The following CLVS1 variants were observed in gnomAD, a reference collection of about 807,000 sequenced individuals.
CLVS1 encodes clavesin 1, also known as clavesin-1.
Under a neutral mutation model 33.1 loss-of-function variants are expected in CLVS1, and 10 were observed. The observed-to-expected ratio is 0.30, with a 90% CI of 0.19 to 0.51. CLVS1 has a LOEUF of 0.51. Among genes scored for constraint, CLVS1 ranks in the 20% least tolerant of loss-of-function variants. The pLI, the probability that CLVS1 is intolerant of heterozygous loss-of-function variation, is 0.97. For missense variants in CLVS1, 343 were observed against 433.4 expected, an observed-to-expected ratio of 0.79 and a Z score of 1.85; for synonymous variants, 163 against 166.1, an observed-to-expected ratio of 0.98 and a Z score of 0.14.
chr8:61,086,915 T>C (rs1250820876), intron 1 of CLVS1, among the ~76,000 whole-genome samples: 1 of 152,188 alleles, frequency 6.6e-6, no homozygotes, highest in Non-Finnish European at 1.5e-5. Context: ...CCCCATTTCA[T>C]AAATGAGGTC....
At chr8:61,205,357 C>T (rs1206027491) in intron 2 of CLVS1, among the ~76,000 whole-genome samples, 2 of 152,182 alleles carry the variant, frequency 1.3e-5, no homozygotes, top group Non-Finnish European at 2.9e-5. Context: ...TTCTGTCTCA[C>T]ATCAATGGAA....
chr8:61,451,402 C>T (rs930612684), intron 3 of CLVS1, among the ~76,000 whole-genome samples: 3 of 152,144 alleles, frequency 2.0e-5, no homozygotes, highest in South Asian at 2.1e-4. Context: ...GGGGCAGACA[C>T]ATTTTTATGA....
intron 1 of CLVS1, among the ~76,000 whole-genome samples, chr8:61,077,456 T>C (rs1349794843): frequency 2.1e-5 from 2 of 94,780 alleles, no homozygotes; most frequent in South Asian, 8.5e-4. Context: ...ATTATTATTA[T>C]TATTATTATT....
At chr8:61,091,091 A>G (rs1805238920) in intron 1 of CLVS1, among the ~76,000 whole-genome samples, 1 of 152,210 alleles carries the variant, frequency 6.6e-6, no homozygotes, top group Non-Finnish European at 1.5e-5. Flanking sequence ...GGATCTTGCC[A>G]TGGGAGATTA....
chr8:61,114,413 C>T (rs1260779724), intron 1 of CLVS1, among the ~76,000 whole-genome samples: 1 of 152,188 alleles, frequency 6.6e-6, no homozygotes, highest in East Asian at 1.9e-4. Flanking sequence ...GTCTTCTAGA[C>T]AAATGCTCTC....
At chr8:61,108,489 A>G (rs1455986619) in intron 1 of CLVS1, among the ~76,000 whole-genome samples, 2 of 152,130 alleles carry the variant, frequency 1.3e-5, no homozygotes, top group Non-Finnish European at 2.9e-5. Context: ...CTCTTTTTCT[A>G]TATGTATATA....
At chr8:61,191,171 T>C (rs907599834) in intron 2 of CLVS1, among the ~76,000 whole-genome samples, 2 of 152,168 alleles carry the variant, frequency 1.3e-5, no homozygotes, top group Non-Finnish European at 2.9e-5. Context: ...AAAAAGCTTA[T>C]CCACCATGAT....
intron 1 of CLVS1, among the ~76,000 whole-genome samples, chr8:61,111,858 G>T (rs1805633207): frequency 6.6e-6 from 1 of 151,798 alleles, no homozygotes; most frequent in African/African-American, 2.4e-5. Context: ...AATTGAAGTT[G>T]TATTAAATTT....
intron 2 of CLVS1, among the ~76,000 whole-genome samples, chr8:61,209,723 A>T (rs2349840): frequency 0.29 from 44,615 of 151,916 alleles, 6,778 homozygotes; most frequent in African/African-American, 0.35. Context: ...TTGCACATGG[A>T]TGTCAATGCC....
At position 61,192,569 on chromosome 8, in the gene CLVS1, A is replaced by G. The variant is rs546724624; in HGVS notation, c.-152+60709A>G. Among the ~76,000 whole-genome samples the G allele has an allele frequency of 5.4e-4, 82 of 152,364 alleles. 1 individual carries two copies. Among genetic ancestry groups the G allele is most frequent in the African/African-American group, 1.9e-3 (81 of 41,584 alleles). ...CTGCACAGCAAAAGAAACTACCATC[A>G]GAGTGAACAGGCAACCTACAGAATG... On this transcript the variant is annotated intron_variant, in intron 2 of 2. Transcript: ENST00000522621.
intron 2 of CLVS1, among the ~76,000 whole-genome samples, chr8:61,362,465 T>G (rs969365608): frequency 2.0e-5 from 3 of 152,224 alleles, no homozygotes; most frequent in Non-Finnish European, 4.4e-5. Context: ...CTGGTTTCAC[T>G]GAGCCCTTCC....
intron 5 of CLVS1, 63 bp downstream of exon 5, chr8:61,458,605 C>T: frequency 8.9e-7 from 1 of 1,128,312 alleles, no homozygotes; most frequent in Non-Finnish European, 1.2e-6. Flanking sequence ...TTTATTTGGA[C>T]CTATTGTGAA....
chr8:61,023,929 C>G, the CLVS1 span, among the ~76,000 whole-genome samples: 2 of 152,214 alleles, frequency 1.3e-5, no homozygotes, highest in Non-Finnish European at 2.9e-5. Flanking sequence ...TGCTGCAAAG[C>G]TGACACGTGT....
intron 2 of CLVS1, among the ~76,000 whole-genome samples, chr8:61,240,517 T>C (rs1808676125): frequency 6.6e-6 from 1 of 152,256 alleles, no homozygotes. Flanking sequence ...CTGATTTATT[T>C]GTACATGTCT....
At chr8:61,347,670 A>G (rs1361516060) in intron 2 of CLVS1, among the ~76,000 whole-genome samples, 1 of 92,292 alleles carries the variant, frequency 1.1e-5, no homozygotes, top group Non-Finnish European at 2.2e-5. Context: ...ATATATATAT[A>G]TATATATATA....
At position 61,389,383 on chromosome 8, in the gene CLVS1, C is replaced by CA. The variant is rs536801170; in HGVS notation, c.630+12612dup. ...TGAAACCTAGTCTCTTCTAAAAATA[C>CA]AAAAAAAATTAGCCAGATGTGGTGG... On this transcript the variant is annotated intron_variant, in intron 3 of 5. Transcript: ENST00000325897. Among the ~76,000 whole-genome samples, 212 of 151,710 alleles carry CA rather than the reference C, an allele frequency of 1.4e-3. 1 individual carries two copies. The highest frequency in any genetic ancestry group is 4.7e-3 in the African/African-American group (193 of 41,400).
At chr8:61,267,661 C>G (rs944657719) in intron 2 of CLVS1, among the ~76,000 whole-genome samples, 1 of 152,178 alleles carries the variant, frequency 6.6e-6, no homozygotes, top group Non-Finnish European at 1.5e-5. Context: ...TTTTCCTCTT[C>G]TTGTGACTAA....
At chr8:61,051,817 C>CCCAACTGCAGCTGCCAGG in the CLVS1 span, among the ~76,000 whole-genome samples, 1 of 152,260 alleles carries the variant, frequency 6.6e-6, no homozygotes, top group Admixed American at 6.5e-5. Flanking sequence ...TGGAGTGCCC[C>CCCAACTGCAGCTGCCAGG]CCAACTGCAG....
At chr8:61,304,547 T>C (rs984408343) in intron 2 of CLVS1, among the ~76,000 whole-genome samples, 1 of 152,238 alleles carries the variant, frequency 6.6e-6, no homozygotes, top group Non-Finnish European at 1.5e-5. Context: ...GCTCCCCAGC[T>C]TGGTATGTAA....
Sources: allele counts gnomAD v4.1 joint callset (sites outside exome capture counted in the v4.1 genomes callset), GRCh38; gene constraint gnomAD v4.1.1; transcripts MANE v1.5; gene names NCBI Gene and HGNC (gene_info 2026-07-23, HGNC 2026-07-21).